Variants in CACNA2D3 observed in about 807,000 individuals in gnomAD.
The protein encoded by CACNA2D3 is calcium voltage-gated channel auxiliary subunit alpha2delta 3, also known as voltage-dependent calcium channel subunit alpha-2/delta-3.
CACNA2D3 carries 60 observed loss-of-function variants against 160.6 expected under a neutral mutation model. The observed-to-expected ratio is 0.37, with a 90% CI of 0.30 to 0.46. The LOEUF is 0.46. CACNA2D3 is among the 20% of genes least tolerant of loss of function. CACNA2D3 has a pLI of 1.00. For missense variants in CACNA2D3, 1,205 were observed against 1,365.0 expected, an observed-to-expected ratio of 0.88 and a Z score of 1.85; for synonymous variants, 558 against 492.9, an observed-to-expected ratio of 1.13 and a Z score of -1.75.
chr3:54,761,242 A>G lies in CACNA2D3; in HGVS notation c.1247-2976A>G, dbSNP rs935054762. On this transcript the variant is annotated intron_variant, in intron 12 of 37. Coordinates refer to ENST00000474759, the MANE Select transcript of CACNA2D3 (RefSeq NM_018398.3). ...CTCCTACAAGATCCTGTCTGGGCCC[A>G]AGAGCACAGGCACCTAAACAGAATT... Among the ~76,000 whole-genome samples the G allele has an allele frequency of 4.6e-4, 70 of 152,258 alleles. 1 individual carries two copies. Among genetic ancestry groups the G allele is most frequent in the African/African-American group, 1.7e-3 (70 of 41,560 alleles).
intron 21 of CACNA2D3, among the ~76,000 whole-genome samples, chr3:54,884,116 A>G (rs1575529859): frequency 6.6e-6 from 1 of 152,160 alleles, no homozygotes; most frequent in Non-Finnish European, 1.5e-5. Flanking sequence ...AAGGAAGGAA[A>G]GTTGTTTGGT....
At chr3:54,581,709 G>A (rs974655917) in intron 8 of CACNA2D3, 94 bp from the exon 9 acceptor site, 10 of 969,162 alleles carry the variant, frequency 1.0e-5, no homozygotes, top group African/African-American at 3.3e-5. Flanking sequence ...TGATTGTGCC[G>A]CTTTTTTGTT....
chr3:54,635,680 T>TG (rs1265780829), intron 10 of CACNA2D3, among the ~76,000 whole-genome samples: 1 of 151,834 alleles, frequency 6.6e-6, no homozygotes, highest in Non-Finnish European at 1.5e-5. Context: ...TGGCTGAGCT[T>TG]GGTGAGGTGT....
chr3:55,046,115 T>C (rs977958700), intron 35 of CACNA2D3, among the ~76,000 whole-genome samples: 2 of 151,370 alleles, frequency 1.3e-5, no homozygotes, highest in Non-Finnish European at 2.9e-5. Context: ...TTTTTTTTTA[T>C]TATACTTTAA....
At chr3:54,909,865 C>A (rs1249701396) in intron 27 of CACNA2D3, among the ~76,000 whole-genome samples, 1 of 151,920 alleles carries the variant, frequency 6.6e-6, no homozygotes, top group African/African-American at 2.4e-5. Context: ...GAAGACAATT[C>A]TTCTTCTTCC....
chr3:54,310,823 C>A (rs753620295), intron 2 of CACNA2D3, among the ~76,000 whole-genome samples: 2 of 152,198 alleles, frequency 1.3e-5, no homozygotes, highest in Non-Finnish European at 2.9e-5. Flanking sequence ...CACTTCACAT[C>A]ATTTGATCAT....
rs186696726 is a variant in CACNA2D3, at chr3:54,349,994, G to C, written c.321+29436G>C. 1.8e-4 allele frequency among the ~76,000 whole-genome samples: 28 copies of C among 152,272 alleles called. No individual in the cohort carries two copies. The East Asian group carries it at 5.4e-3, about 29-fold the overall frequency. The stretch of plus-strand genomic sequence containing the variant: ...GGTCATGCATTTGTCTTGTGTTTTG[G>C]CTTCTGGTGCCTCTTTTGACATTTT... On this transcript the variant is annotated intron_variant, in intron 3 of 37. Transcript: ENST00000474759.
At chr3:54,259,457 A>G (rs57192442) in intron 2 of CACNA2D3, among the ~76,000 whole-genome samples, 8,347 of 152,292 alleles carry the variant, frequency 0.055, 779 homozygotes, top group African/African-American at 0.19. Flanking sequence ...CCCTCAAAAA[A>G]AGAAAACTTG....
At chr3:54,280,561 G>A (rs1035922801) in intron 2 of CACNA2D3, among the ~76,000 whole-genome samples, 1 of 152,132 alleles carries the variant, frequency 6.6e-6, no homozygotes, top group Non-Finnish European at 1.5e-5. Context: ...GAGTAAAGGA[G>A]TGTAGTCAGG....
chr3:54,984,679 A>G lies in CACNA2D3; in HGVS notation c.2619+9A>G. 3 of 1,537,802 alleles carry G rather than the reference A, an allele frequency of 2.0e-6. No homozygotes were observed. The highest frequency in any genetic ancestry group is 2.7e-6 in the Non-Finnish European group (3 of 1,130,536). ...CTGAAGACTACACACAGGTGAGTGA[A>G]AATTTTCTACCAGCTCCAAGTAAGG... On this transcript the variant is annotated intron_variant, in intron 30 of 37. Coordinates refer to ENST00000474759, the MANE Select transcript of CACNA2D3 (RefSeq NM_018398.3).
chr3:54,657,683 A>G (rs564456554), intron 11 of CACNA2D3, among the ~76,000 whole-genome samples: 2 of 152,246 alleles, frequency 1.3e-5, no homozygotes, highest in African/African-American at 2.4e-5. Context: ...AGGTCCATCC[A>G]TGTTGTAAAT....
In CACNA2D3 at chr3:55,073,788, C is replaced by T; in HGVS notation, c.3112C>T (p.Leu1038Phe). Reference sequence around the variant, plus strand: ...TAACTACAGTCAACATAATGAATCCCTTAAGTGTGAACGTCTAAAGGCCCA... The same window carrying T: ...TAACTACAGTCAACATAATGAATCCTTTAAGTGTGAACGTCTAAAGGCCCA... ...APIEIRYNES[L>F]KCERLKAQKI... Residue 1038 changes from leucine (L) to phenylalanine (F), a missense_variant, in exon 37 of 38, where the codon CTT becomes TTT. This residue lies in a region of CACNA2D3 where 911 missense variants were observed against 1,002.2 expected (regional missense o/e 0.91). Transcript: ENST00000474759. 6.2e-7 allele frequency: 1 copy of T among 1,613,188 alleles called. No individual in the cohort carries two copies. Among genetic ancestry groups the T allele is most frequent in the Non-Finnish European group, 8.5e-7 (1 of 1,179,284 alleles).
chr3:54,587,537 C>T (rs953572191), intron 9 of CACNA2D3, among the ~76,000 whole-genome samples: 1 of 151,360 alleles, frequency 6.6e-6, no homozygotes, highest in Non-Finnish European at 1.5e-5. Flanking sequence ...AGCCTGGCGA[C>T]AGAGCAAGAC....
At chr3:54,359,002 G>A (rs1437950500) in intron 3 of CACNA2D3, among the ~76,000 whole-genome samples, 2 of 151,906 alleles carry the variant, frequency 1.3e-5, no homozygotes, top group African/African-American at 4.8e-5. Flanking sequence ...TTATTTACTG[G>A]ATCTCCAGTA....
chr3:54,984,571 C>G (rs1273909607), intron 29 of CACNA2D3, 37 bp from the exon 30 acceptor site: 2 of 1,241,558 alleles, frequency 1.6e-6, no homozygotes, highest in East Asian at 2.6e-5. Context: ...GAAGTTGAAG[C>G]TGTTTTTTTG....
rs1316340710 is a variant in CACNA2D3, at chr3:54,199,639, A to G, written c.204+76045A>G. Among the ~76,000 whole-genome samples the G allele has an allele frequency of 2.0e-5, 3 of 152,290 alleles. No homozygotes were observed. In the East Asian group the frequency reaches 5.8e-4, roughly 29 times the overall value. ...TTAGATGAGAGAATCTTAAGGGAGA[A>G]CATCCTAGAGCCTTTGCTCTTCAGA... On this transcript the variant is annotated intron_variant, in intron 2 of 37. Coordinates refer to ENST00000474759, the MANE Select transcript of CACNA2D3 (RefSeq NM_018398.3).
At chr3:55,058,076 C>T (rs1056885565) in intron 35 of CACNA2D3, among the ~76,000 whole-genome samples, 14 of 152,160 alleles carry the variant, frequency 9.2e-5, no homozygotes, top group African/African-American at 2.9e-4. Flanking sequence ...TCTCTTCAAA[C>T]GTCTTCCTGG....
intron 5 of CACNA2D3, among the ~76,000 whole-genome samples, chr3:54,546,757 A>G (rs1702072533): frequency 6.6e-6 from 1 of 151,992 alleles, no homozygotes; most frequent in Non-Finnish European, 1.5e-5. Flanking sequence ...TCCATTCTTT[A>G]TGGAGTGGAG....
chr3:54,684,107 G>A (rs1700405434), intron 11 of CACNA2D3, among the ~76,000 whole-genome samples: 2 of 150,978 alleles, frequency 1.3e-5, no homozygotes, highest in Admixed American at 1.3e-4. Flanking sequence ...AGTAGCACAC[G>A]CCGCAACCAT....
Sources: allele counts gnomAD v4.1 joint callset (sites outside exome capture counted in the v4.1 genomes callset), GRCh38; gene constraint gnomAD v4.1.1; regional missense constraint gnomAD v4.1.1; transcripts MANE v1.5; gene names NCBI Gene and HGNC (gene_info 2026-07-23, HGNC 2026-07-21).